Variants in ZNF804A observed in about 807,000 individuals in gnomAD.
ZNF804A encodes zinc finger protein 804A.
Under a neutral mutation model 16.5 loss-of-function variants are expected in ZNF804A, and 2 were observed. The ratio of observed to expected loss-of-function variants is 0.12; its 90% CI spans 0.05 to 0.38. ZNF804A has a LOEUF of 0.38. Among genes scored for constraint, ZNF804A ranks in the 10% least tolerant of loss-of-function variants. The pLI is 0.99. For missense variants in ZNF804A, 1,473 were observed against 1,390.7 expected (o/e 1.06, Z -0.94); for synonymous variants, 534 against 489.6 (o/e 1.09, Z -1.20).
intron 1 of ZNF804A, among the ~76,000 whole-genome samples, chr2:184,674,718 A>G (rs1159337587): frequency 6.6e-6 from 1 of 151,814 alleles, no homozygotes; most frequent in African/African-American, 2.4e-5. Flanking sequence ...TAAAAATTAC[A>G]TGTTTTTCTG....
chr2:184,911,057 A>G (rs978549920), intron 2 of ZNF804A, among the ~76,000 whole-genome samples: 1 of 152,062 alleles, frequency 6.6e-6, no homozygotes, highest in African/African-American at 2.4e-5. Flanking sequence ...CCCAACATCA[A>G]TGTCCAGAAT....
chr2:184,864,254 G>C (rs1056286073), intron 1 of ZNF804A, among the ~76,000 whole-genome samples: 1 of 152,100 alleles, frequency 6.6e-6, no homozygotes, highest in African/African-American at 2.4e-5. Context: ...AAGCAAGAGA[G>C]AGCTATAGGA....
chr2:184,717,257 T>A (rs187929324), intron 1 of ZNF804A, among the ~76,000 whole-genome samples: 6 of 152,320 alleles, frequency 3.9e-5, no homozygotes, highest in Admixed American at 3.9e-4. Flanking sequence ...TTTTCATTTA[T>A]TTTTGTCTTC....
chr2:184,642,316 A>G (rs1691807302), intron 1 of ZNF804A, among the ~76,000 whole-genome samples: 1 of 152,080 alleles, frequency 6.6e-6, no homozygotes, highest in South Asian at 2.1e-4. Flanking sequence ...TCAAGTAGCA[A>G]TTACTCACCA....
At chr2:184,836,847 T>C (rs1379651545) in intron 1 of ZNF804A, among the ~76,000 whole-genome samples, 2 of 151,978 alleles carry the variant, frequency 1.3e-5, no homozygotes, top group African/African-American at 2.4e-5. Flanking sequence ...TGCTTTGTGA[T>C]TGTGCCTTTA....
intron 1 of ZNF804A, among the ~76,000 whole-genome samples, chr2:184,776,466 A>G (rs890919139): frequency 5.3e-5 from 8 of 150,954 alleles, no homozygotes; most frequent in Non-Finnish European, 1.2e-4. Flanking sequence ...TTGTTGGTTG[A>G]TTTATATAAA....
In ZNF804A at chr2:184,937,205, T is replaced by C. The variant is rs1477764769; in HGVS notation, c.1809T>C (p.Cys603=). Residue 603 remains cysteine (C), a synonymous_variant, in exon 4 of 4, where the codon TGT becomes TGC. Coordinates refer to ENST00000302277, the MANE Select transcript of ZNF804A (RefSeq NM_194250.2). ...SRRKKKRKKL[C]QHHHMEKTKE... ...GAAAGAAAAAAAGAAAAAAGTTATG[T>C]CAGCATCATCATATGGAGAAAACCA... The C allele has an allele frequency of 1.2e-6, 2 of 1,600,978 alleles. No homozygotes were observed. Among genetic ancestry groups the C allele is most frequent in the East Asian group, 4.5e-5 (2 of 44,788 alleles).
intron 1 of ZNF804A, among the ~76,000 whole-genome samples, chr2:184,852,073 A>G (rs1695612432): frequency 6.6e-6 from 1 of 151,660 alleles, no homozygotes; most frequent in Non-Finnish European, 1.5e-5. Context: ...TTTCTTATCA[A>G]TTTTGGTTAT....
chr2:184,716,773 T>TTG (rs1425137558), intron 1 of ZNF804A, among the ~76,000 whole-genome samples: 1 of 152,134 alleles, frequency 6.6e-6, no homozygotes, highest in African/African-American at 2.4e-5. Context: ...TTTAGTTGGT[T>TTG]TGTGTGTGTG....
chr2:184,773,524 C>T (rs1275400859), intron 1 of ZNF804A, among the ~76,000 whole-genome samples: 1 of 151,832 alleles, frequency 6.6e-6, no homozygotes, highest in Non-Finnish European at 1.5e-5. Flanking sequence ...GAATTGCAGA[C>T]CATTATTCTT....
At chr2:184,608,730 G>C (rs1169297559) in intron 1 of ZNF804A, among the ~76,000 whole-genome samples, 1 of 152,100 alleles carries the variant, frequency 6.6e-6, no homozygotes, top group Non-Finnish European at 1.5e-5. Flanking sequence ...ATGGATGATT[G>C]CAAGAGAAGG....
Position 184,928,582 on chromosome 2 carries a change from T to C in ZNF804A, c.256-5021T>C, listed in dbSNP as rs192973294. Among the ~76,000 whole-genome samples the C allele has an allele frequency of 2.4e-3, 368 of 152,194 alleles. 2 individuals are homozygous for C. Among genetic ancestry groups the C allele is most frequent in the African/African-American group, 8.4e-3 (348 of 41,526 alleles). ...GCCCAGTTCAGCAATAGCACTTGCC[T>C]AGGAGTTGCAGTCTAGACTGCCGCG... On this transcript the variant is annotated intron_variant, in intron 2 of 3. Coordinates refer to ENST00000302277, the MANE Select transcript of ZNF804A (RefSeq NM_194250.2).
chr2:184,822,601 A>G (rs1695101151), intron 1 of ZNF804A, among the ~76,000 whole-genome samples: 1 of 152,100 alleles, frequency 6.6e-6, no homozygotes, highest in African/African-American at 2.4e-5. Context: ...GTCTAAGAGT[A>G]CCTCTTGAAT....
rs201114756 is a variant in ZNF804A at position 184,710,405 on chromosome 2, C to CAT, written c.111+111346_111+111347dup. Among the ~76,000 whole-genome samples the CAT allele has an allele frequency of 9.1e-3, 1,378 of 151,084 alleles. 22 individuals carry two copies. Among genetic ancestry groups the CAT allele is most frequent in the African/African-American group, 0.032 (1,311 of 41,286 alleles). ...TTTTATAATTATAAAGAATTTATAC[C>CAT]ATATATATATATTTATTTTTTGTGC... On this transcript the variant is annotated intron_variant, in intron 1 of 3. Transcript: ENST00000302277.
intron 2 of ZNF804A, among the ~76,000 whole-genome samples, chr2:184,914,651 A>C (rs1040852908): frequency 6.6e-6 from 1 of 152,142 alleles, no homozygotes; most frequent in Non-Finnish European, 1.5e-5. Flanking sequence ...CACTTGCTAA[A>C]CTGTTACAAT....
chr2:184,877,218 C>T (rs1402956012), intron 2 of ZNF804A, among the ~76,000 whole-genome samples: 1 of 152,020 alleles, frequency 6.6e-6, no homozygotes, highest in Admixed American at 6.6e-5. Context: ...TTAACAAATA[C>T]ACTTTCTAAG....
At chr2:184,876,374 T>A (rs1390228713) in intron 2 of ZNF804A, among the ~76,000 whole-genome samples, 1 of 150,364 alleles carries the variant, frequency 6.7e-6, no homozygotes, top group Admixed American at 6.6e-5. Context: ...ACTTCACATA[T>A]CTTCCATGGG....
rs765277447 is a variant in ZNF804A, at chr2:184,933,641, T to G, written c.294T>G (p.Asn98Lys). ...KELKQREFAR[N>K]VASKSRKDER... ...TGAAACAAAGGGAATTTGCTCGAAA[T>G]GTAGCATCTAAATCCAGGAAAGATG... The change falls in exon 3 of 4, where the codon AAT becomes AAG. Residue 98 changes from asparagine (N) to lysine (K), a missense_variant. Asn to Lys is a moderately conservative substitution (Grantham distance 94). Coordinates refer to ENST00000302277, the MANE Select transcript of ZNF804A (RefSeq NM_194250.2). 6.2e-7 allele frequency: 1 copy of G among 1,607,810 alleles called. No homozygotes were observed. Among genetic ancestry groups the G allele is most frequent in the Admixed American group, 1.7e-5 (1 of 58,494 alleles).
chr2:184,833,173 T>C (rs932597460), intron 1 of ZNF804A, among the ~76,000 whole-genome samples: 1 of 152,084 alleles, frequency 6.6e-6, no homozygotes, highest in African/African-American at 2.4e-5. Flanking sequence ...AAGTATTTTT[T>C]GTAAATTTCC....
Sources: gnomAD v4.1 joint callset for allele counts (sites outside exome capture counted in the v4.1 genomes callset) on GRCh38, gnomAD v4.1.1 for gene constraint, MANE v1.5 for transcripts, NCBI Gene and HGNC (gene_info 2026-07-23, HGNC 2026-07-21) for gene names.